Variants in CADM2 observed in about 807,000 individuals in gnomAD.
CADM2 encodes the protein cell adhesion molecule 2.
CADM2 carries 12 observed loss-of-function variants against 49.8 expected under a neutral mutation model. The ratio of observed to expected loss-of-function variants is 0.24; its 90% confidence interval spans 0.15 to 0.39. The LOEUF is 0.39. Among genes scored for constraint, CADM2 ranks in the 10% least tolerant of loss-of-function variants. CADM2 has a pLI of 1.00. For synonymous variants in CADM2, 214 were observed against 175.4 expected (o/e 1.22, Z -1.74); for missense variants, 378 against 492.3 (o/e 0.77, Z 2.20).
intron 1 of CADM2, among the ~76,000 whole-genome samples, chr3:85,142,757 G>C (rs1559685869): frequency 6.6e-6 from 1 of 152,076 alleles, no homozygotes; most frequent in Non-Finnish European, 1.5e-5. Flanking sequence ...AATGAATAGG[G>C]CATGGCAGAG....
chr3:85,549,751 G>C (rs2061753036), intron 1 of CADM2, among the ~76,000 whole-genome samples: 1 of 151,244 alleles, frequency 6.6e-6, no homozygotes, highest in Admixed American at 6.6e-5. Flanking sequence ...AGCCTCCCAA[G>C]TAGCTGGGAT....
chr3:85,438,932 C>T (rs2037056793), intron 1 of CADM2, among the ~76,000 whole-genome samples: 1 of 152,100 alleles, frequency 6.6e-6, no homozygotes, highest in Non-Finnish European at 1.5e-5. Context: ...AAGTGATTAT[C>T]TTGCCTCGGC....
chr3:85,641,207 A>G (rs1342827586), intron 1 of CADM2, among the ~76,000 whole-genome samples: 2 of 152,236 alleles, frequency 1.3e-5, no homozygotes, highest in African/African-American at 4.8e-5. Context: ...TAGCTAAAAA[A>G]AAACTAGTGA....
At chr3:85,349,660 T>G (rs1023389870) in intron 1 of CADM2, among the ~76,000 whole-genome samples, 1 of 152,212 alleles carries the variant, frequency 6.6e-6, no homozygotes, top group Non-Finnish European at 1.5e-5. Flanking sequence ...TGTCAAAGAC[T>G]TACTCTGCAG....
intron 1 of CADM2, among the ~76,000 whole-genome samples, chr3:85,610,578 G>A (rs545762838): frequency 7.2e-5 from 11 of 152,002 alleles, no homozygotes; most frequent in Admixed American, 5.2e-4. Context: ...GAATTGCATG[G>A]AAACTAAGGT....
At chr3:85,421,574 T>C (rs1483907361) in intron 1 of CADM2, among the ~76,000 whole-genome samples, 1 of 152,206 alleles carries the variant, frequency 6.6e-6, no homozygotes, top group Non-Finnish European at 1.5e-5. Flanking sequence ...CCTACAAATG[T>C]ACATGAAAAC....
intron 1 of CADM2, among the ~76,000 whole-genome samples, chr3:85,288,472 G>C (rs1157310065): frequency 6.6e-6 from 1 of 151,772 alleles, no homozygotes; most frequent in Non-Finnish European, 1.5e-5. Flanking sequence ...TGTGTGACAA[G>C]GTAAGCACTT....
intron 1 of CADM2, among the ~76,000 whole-genome samples, chr3:85,240,150 G>A (rs1384280164): frequency 6.6e-6 from 1 of 151,182 alleles, no homozygotes; most frequent in Non-Finnish European, 1.5e-5. Context: ...AAATATTTTA[G>A]GTAAAATTTT....
At chr3:85,650,677 A>T (rs1052664521) in intron 1 of CADM2, among the ~76,000 whole-genome samples, 1 of 151,844 alleles carries the variant, frequency 6.6e-6, no homozygotes, top group Non-Finnish European at 1.5e-5. Flanking sequence ...CAACAATCTG[A>T]GTTTTAATAA....
intron 1 of CADM2, among the ~76,000 whole-genome samples, chr3:85,018,526 G>C (rs1393895005): frequency 6.6e-6 from 1 of 152,020 alleles, no homozygotes; most frequent in African/African-American, 2.4e-5. Context: ...GCTAATTTTT[G>C]TATTTTTCGT....
At chr3:85,977,242 G>T (rs1044221152) in intron 8 of CADM2, among the ~76,000 whole-genome samples, 4 of 151,328 alleles carry the variant, frequency 2.6e-5, no homozygotes, top group African/African-American at 9.7e-5. Context: ...TGATGGGGCT[G>T]ATTTTGAAAG....
chr3:85,172,114 A>G (rs961181233), intron 1 of CADM2, among the ~76,000 whole-genome samples: 2 of 152,220 alleles, frequency 1.3e-5, no homozygotes, highest in Non-Finnish European at 2.9e-5. Context: ...CTAAAGTTGC[A>G]GAGCATTGCC....
chr3:85,044,808 T>TTA (rs2035585237), intron 1 of CADM2, among the ~76,000 whole-genome samples: 2 of 150,890 alleles, frequency 1.3e-5, no homozygotes, highest in Non-Finnish European at 3.0e-5. Flanking sequence ...TCTTTTCTTT[T>TTA]TTTTTTTTGG....
chr3:85,101,012 T>C (rs966825129), intron 1 of CADM2, among the ~76,000 whole-genome samples: 1 of 152,102 alleles, frequency 6.6e-6, no homozygotes, highest in Non-Finnish European at 1.5e-5. Context: ...TCCCAGCACT[T>C]TGGGAGGCCA....
intron 2 of CADM2, among the ~76,000 whole-genome samples, chr3:85,740,211 C>A (rs1002444455): frequency 6.6e-6 from 1 of 152,184 alleles, no homozygotes; most frequent in South Asian, 2.1e-4. Flanking sequence ...CTTTTGATAT[C>A]TGTACACAGA....
At chr3:85,308,179 A>G (rs889391598) in intron 1 of CADM2, among the ~76,000 whole-genome samples, 1 of 151,676 alleles carries the variant, frequency 6.6e-6, no homozygotes, top group Non-Finnish European at 1.5e-5. Context: ...TTGCATTAAA[A>G]TTTTCATTTG....
At chr3:85,467,976 A>T (rs1487623820) in intron 1 of CADM2, among the ~76,000 whole-genome samples, 1 of 151,724 alleles carries the variant, frequency 6.6e-6, no homozygotes, top group Non-Finnish European at 1.5e-5. Context: ...AAAACGGTGA[A>T]ACCCCGTCTC....
intron 3 of CADM2, among the ~76,000 whole-genome samples, chr3:85,814,666 A>G (rs1196706997): frequency 6.6e-6 from 1 of 152,036 alleles, no homozygotes; most frequent in Non-Finnish European, 1.5e-5. Context: ...AAATAGACAC[A>G]ATAAAAAATG....
At chr3:85,067,496 G>T (rs75208560) in intron 1 of CADM2, among the ~76,000 whole-genome samples, 3,966 of 152,178 alleles carry the variant, frequency 0.026, 130 homozygotes, top group African/African-American at 0.075. Context: ...TGTTAAGAAA[G>T]GGAGTCCTTT....
Sources: allele counts gnomAD v4.1 joint callset (sites outside exome capture counted in the v4.1 genomes callset), GRCh38; gene constraint gnomAD v4.1.1; transcripts MANE v1.5; gene names NCBI Gene and HGNC (gene_info 2026-07-23, HGNC 2026-07-21).